The following CAMK4 variants were observed in gnomAD, a reference collection of about 807,000 sequenced individuals.
CAMK4 encodes calcium/calmodulin-dependent protein kinase type IV.
A neutral mutation model predicts 44.9 loss-of-function variants in CAMK4; 22 were observed. That is an observed-to-expected ratio of 0.49 (90% CI 0.35 to 0.70). The LOEUF (loss-of-function observed/expected upper bound fraction) is 0.70, where lower values mean the gene tolerates loss of function less well. Among genes scored for constraint, CAMK4 ranks in the 30% least tolerant of loss-of-function variants. CAMK4 has a pLI of 0.01. For synonymous variants in CAMK4, 218 were observed against 215.4 expected (o/e 1.01, Z -0.11); for missense variants, 498 against 586.8 (o/e 0.85, Z 1.56).
chr5:111,411,787 G>C (rs978165665), intron 5 of CAMK4, among the ~76,000 whole-genome samples: 4 of 152,070 alleles, frequency 2.6e-5, no homozygotes, highest in African/African-American at 9.7e-5. Context: ...TTGGTAAAGA[G>C]GAATAAAAAA....
rs958174608 is a variant in CAMK4, at chr5:111,480,057, C to G, written c.828+1550C>G. Among the ~76,000 whole-genome samples, 22 of 151,732 alleles carry G rather than the reference C, an allele frequency of 1.4e-4. 1 individual carries two copies. Among genetic ancestry groups the G allele is most frequent in the Admixed American group, 5.9e-4 (9 of 15,254 alleles). On this transcript the variant is annotated intron_variant, in intron 9 of 10. Transcript: ENST00000282356. ...CCATAACAAGATCTACATGACGCTG[C>G]CTGGTCTGGGGCCTGCCACTCTCTC...
At chr5:111,331,386 A>G (rs1260615601) in intron 1 of CAMK4, among the ~76,000 whole-genome samples, 2 of 151,734 alleles carry the variant, frequency 1.3e-5, no homozygotes, top group African/African-American at 4.8e-5. Context: ...ATATGACACC[A>G]CCTCATACCC....
chr5:111,379,027 G>A (rs1340086013), intron 4 of CAMK4, among the ~76,000 whole-genome samples: 3 of 151,922 alleles, frequency 2.0e-5, no homozygotes, highest in Non-Finnish European at 4.4e-5. Flanking sequence ...TCCTTCTTTA[G>A]TTACATTAAT....
chr5:111,490,885 G>A lies in CAMK4; in HGVS notation c.*6419G>A, dbSNP rs1229071607. The A allele has an allele frequency of 6.6e-6, 1 of 152,184 alleles. No homozygotes were observed. The highest frequency in any genetic ancestry group is 1.5e-5 in the Non-Finnish European group (1 of 68,024). 9.4% of individuals were successfully genotyped at this position (152,184 alleles called of 1,614,324 possible). On this transcript the variant is annotated 3_prime_UTR_variant, in exon 11 of 11. Coordinates refer to ENST00000282356, the MANE Select transcript of CAMK4 (RefSeq NM_001744.6). The stretch of plus-strand genomic sequence containing the variant: ...GTCCATTCCATGTCCAACAGATGTT[G>A]CTGTGTTTCTTTCAACATTTTTCAA...
intron 1 of CAMK4, among the ~76,000 whole-genome samples, chr5:111,298,882 A>G (rs968191826): frequency 6.6e-6 from 1 of 152,234 alleles, no homozygotes; most frequent in African/African-American, 2.4e-5. Context: ...GGCAGAACAT[A>G]ACAGCCCTGC....
At position 111,488,491 on chromosome 5, in the gene CAMK4, A is replaced by G. The variant is rs2112514338; in HGVS notation, c.*4025A>G. The G allele has an allele frequency of 6.6e-6, 1 of 152,324 alleles. No individual in the cohort carries two copies. Among genetic ancestry groups the G allele is most frequent in the African/African-American group, 2.4e-5 (1 of 41,578 alleles). 9.4% of individuals were successfully genotyped at this position (152,324 alleles called of 1,614,324 possible). A position where few individuals can be genotyped will look rare whatever the true frequency, so the allele number is the denominator to read the frequency against. On this transcript the variant is annotated 3_prime_UTR_variant, in exon 11 of 11. Coordinates refer to ENST00000282356, the MANE Select transcript of CAMK4 (RefSeq NM_001744.6). Reference sequence around the variant, plus strand: ...ACTTCAATTTCATAGTATTTTAAACATATTTTGTAATTCAGAATGTTTAGC... The same window carrying G: ...ACTTCAATTTCATAGTATTTTAAACGTATTTTGTAATTCAGAATGTTTAGC...
intron 2 of CAMK4, among the ~76,000 whole-genome samples, chr5:111,354,513 T>C (rs1031955355): frequency 5.3e-5 from 8 of 151,712 alleles, no homozygotes; most frequent in Admixed American, 3.3e-4. Context: ...CATTTTGCAA[T>C]GCGTACATCA....
At chr5:111,387,629 G>C (rs1751652181) in intron 4 of CAMK4, among the ~76,000 whole-genome samples, 1 of 152,130 alleles carries the variant, frequency 6.6e-6, no homozygotes, top group South Asian at 2.1e-4. Context: ...CCCCATGATA[G>C]TGAACATAGG....
intron 1 of CAMK4, among the ~76,000 whole-genome samples, chr5:111,328,629 C>T (rs1749010328): frequency 6.6e-6 from 1 of 152,004 alleles, no homozygotes; most frequent in African/African-American, 2.4e-5. Flanking sequence ...GATATTGATT[C>T]TTCCTACCCA....
intron 5 of CAMK4, among the ~76,000 whole-genome samples, chr5:111,442,846 A>G (rs1372544850): frequency 6.7e-6 from 1 of 149,666 alleles, no homozygotes; most frequent in Non-Finnish European, 1.5e-5. Flanking sequence ...TTAATAAGCA[A>G]TGTCATGAGC....
rs548371101 is a variant in CAMK4 at position 111,232,653 on chromosome 5, G to T, written c.161+8009G>T. Reference sequence around the variant, plus strand: ...AAAGTAACCATTGTGAGAGAAAAACGTCAGCTATAGAAGCAGCTGGGTCTT... The same window carrying T: ...AAAGTAACCATTGTGAGAGAAAAACTTCAGCTATAGAAGCAGCTGGGTCTT... On this transcript the variant is annotated intron_variant, in intron 1 of 10. Transcript: ENST00000282356. 7.2e-5 allele frequency among the ~76,000 whole-genome samples: 11 copies of T among 152,166 alleles called. No individual in the cohort carries two copies. The South Asian group carries it at 2.1e-3, about 29-fold the overall frequency.
At chr5:111,424,685 G>A (rs950704161) in intron 5 of CAMK4, among the ~76,000 whole-genome samples, 14 of 151,722 alleles carry the variant, frequency 9.2e-5, no homozygotes, top group African/African-American at 2.2e-4. Context: ...CTGACCTTGC[G>A]ATCCGCCCGC....
intron 1 of CAMK4, among the ~76,000 whole-genome samples, chr5:111,236,990 A>G (rs1015495098): frequency 1.2e-4 from 19 of 152,176 alleles, no homozygotes; most frequent in Non-Finnish European, 2.8e-4. Context: ...GTTTTTTTCT[A>G]TACGAACCCA....
At chr5:111,273,757 A>G (rs540656311) in intron 1 of CAMK4, among the ~76,000 whole-genome samples, 1 of 144,640 alleles carries the variant, frequency 6.9e-6, no homozygotes, top group African/African-American at 2.5e-5. Flanking sequence ...TCACACACAC[A>G]TACACACACA....
chr5:111,397,852 G>A (rs1752078293), intron 5 of CAMK4, among the ~76,000 whole-genome samples: 1 of 151,932 alleles, frequency 6.6e-6, no homozygotes, highest in Admixed American at 6.6e-5. Context: ...GAGGGGAGAG[G>A]GACATGTGCC....
intron 1 of CAMK4, among the ~76,000 whole-genome samples, chr5:111,226,953 C>T (rs1477919574): frequency 6.6e-6 from 1 of 152,164 alleles, no homozygotes; most frequent in African/African-American, 2.4e-5. Flanking sequence ...GCTCTATTAT[C>T]TAGTCTTATG....
chr5:111,414,325 G>C (rs1364566103), intron 5 of CAMK4, among the ~76,000 whole-genome samples: 1 of 152,142 alleles, frequency 6.6e-6, no homozygotes, highest in Non-Finnish European at 1.5e-5. Flanking sequence ...ACCTAGAAAT[G>C]TATCACTTAG....
chr5:111,346,009 G>T (rs1044919150), intron 2 of CAMK4, among the ~76,000 whole-genome samples: 1 of 151,940 alleles, frequency 6.6e-6, no homozygotes, highest in Non-Finnish European at 1.5e-5. Flanking sequence ...CTTTGAATGT[G>T]AATTAGATAG....
chr5:111,363,128 C>G (rs1451321732), intron 2 of CAMK4, among the ~76,000 whole-genome samples: 2 of 152,006 alleles, frequency 1.3e-5, no homozygotes, highest in Non-Finnish European at 2.9e-5. Context: ...TTTAGAAGGT[C>G]AGTAACTTCA....
Sources: gnomAD v4.1 joint callset for allele counts (sites outside exome capture counted in the v4.1 genomes callset) on GRCh38, gnomAD v4.1.1 for gene constraint, MANE v1.5 for transcripts, NCBI Gene and HGNC (gene_info 2026-07-23, HGNC 2026-07-21) for gene names.